SKIC8: variants seen among roughly 807,000 people sequenced by gnomAD.
SKIC8 encodes SKI8 subunit of superkiller complex.
At chr15:78,292,620 T>C in the SKIC8 span, 1 of 1,614,162 alleles carries the variant, frequency 6.2e-7, no homozygotes, top group Non-Finnish European at 8.5e-7. Context: ...TCTTACCAGG[T>C]CCTGCATCTA....
the SKIC8 span, among the ~76,000 whole-genome samples, chr15:78,287,827 C>T: frequency 1.8e-4 from 28 of 152,248 alleles, no homozygotes; most frequent in African/African-American, 6.0e-4. Context: ...AAACCAAAAA[C>T]GCTCCCATCT....
At chr15:78,294,300 C>T in the SKIC8 span, among the ~76,000 whole-genome samples, 1,820 of 152,294 alleles carry the variant, frequency 0.012, 26 homozygotes, top group Non-Finnish European at 0.015. Flanking sequence ...TCCACAAATT[C>T]CTTAGGCCTT....
chr15:78,294,760 G>T, the SKIC8 span: 2 of 549,010 alleles, frequency 3.6e-6, no homozygotes, highest in Non-Finnish European at 6.0e-6. Flanking sequence ...TTAGCTGGTT[G>T]TTCAGGTTTT....
chr15:78,283,311 C>T, the SKIC8 span: 4 of 712,254 alleles, frequency 5.6e-6, no homozygotes, highest in South Asian at 2.4e-5. Flanking sequence ...ATTGTATCTA[C>T]AAAATTTAAG....
At chr15:78,291,460 CA>C in the SKIC8 span, among the ~76,000 whole-genome samples, 12 of 152,154 alleles carry the variant, frequency 7.9e-5, no homozygotes, top group Non-Finnish European at 1.8e-4. Context: ...AGACAACCAT[CA>C]GGGGAGTCAG....
chr15:78,288,227 T>A, the SKIC8 span: 1 of 1,571,144 alleles, frequency 6.4e-7, no homozygotes, highest in Non-Finnish European at 8.7e-7. Flanking sequence ...TAGGGCTCCT[T>A]GTAACAATAA....
chr15:78,292,077 A>T, the SKIC8 span: 1 of 153,810 alleles, frequency 6.5e-6, no homozygotes, highest in Non-Finnish European at 1.4e-5. Context: ...GATGTTTCTT[A>T]AAAGTTTCAT....
At chr15:78,290,092 G>A in the SKIC8 span, 1 of 1,612,990 alleles carries the variant, frequency 6.2e-7, no homozygotes, top group Admixed American at 1.7e-5. Context: ...CCAAAGTCCA[G>A]GCATCCACTG....
At chr15:78,296,921 A>T in the SKIC8 span, among the ~76,000 whole-genome samples, 2 of 152,348 alleles carry the variant, frequency 1.3e-5, no homozygotes, top group African/African-American at 4.8e-5. Flanking sequence ...TATCCAACAC[A>T]GAACCACTGT....
the SKIC8 span, among the ~76,000 whole-genome samples, chr15:78,293,938 T>C: frequency 2.6e-5 from 4 of 152,342 alleles, no homozygotes; most frequent in East Asian, 7.7e-4. Context: ...GCCATGCTGT[T>C]GTATGTGCAG....
chr15:78,288,785 T>C, the SKIC8 span: 1 of 346,256 alleles, frequency 2.9e-6, no homozygotes, highest in African/African-American at 2.1e-5. Context: ...ATAAATTCAC[T>C]TGATTAGAAT....
the SKIC8 span, among the ~76,000 whole-genome samples, chr15:78,287,692 A>T: frequency 6.6e-6 from 1 of 152,208 alleles, no homozygotes; most frequent in Non-Finnish European, 1.5e-5. Flanking sequence ...TCAGTGGGGA[A>T]TAGGAGTCAG....
chr15:78,286,360 G>A, the SKIC8 span: 1 of 435,408 alleles, frequency 2.3e-6, no homozygotes, highest in Non-Finnish European at 4.1e-6. Flanking sequence ...ACCACCAAAA[G>A]CCAAGAATAA....
chr15:78,293,064 C>A, the SKIC8 span: 1 of 1,070,206 alleles, frequency 9.3e-7, no homozygotes, highest in Non-Finnish European at 1.4e-6. Flanking sequence ...CTATTGCTTT[C>A]TTGCCTAGAA....
chr15:78,288,251 G>C, the SKIC8 span: 2 of 1,600,190 alleles, frequency 1.2e-6, no homozygotes, highest in African/African-American at 1.3e-5. Context: ...GACAAGATGG[G>C]CATCAGTAGT....
the SKIC8 span, chr15:78,294,783 TG>T: frequency 1.3e-5 from 8 of 619,530 alleles, no homozygotes; most frequent in South Asian, 5.0e-5. Context: ...TTGTTGTTGT[TG>T]TTGTTGTCTG....
the SKIC8 span, among the ~76,000 whole-genome samples, chr15:78,298,460 C>T: frequency 2.6e-5 from 4 of 152,220 alleles, no homozygotes; most frequent in African/African-American, 9.6e-5. Flanking sequence ...AGAGGTCAAC[C>T]GTAGTCCAAA....
the SKIC8 span, among the ~76,000 whole-genome samples, chr15:78,298,785 C>A: frequency 4.6e-5 from 7 of 152,160 alleles, no homozygotes; most frequent in Non-Finnish European, 1.0e-4. Context: ...GGAACGTACA[C>A]CCCGCAGATA....
the SKIC8 span, chr15:78,289,821 T>C: frequency 3.3e-6 from 5 of 1,523,782 alleles, no homozygotes; most frequent in South Asian, 1.2e-5. Flanking sequence ...AACTGGCTAC[T>C]TGGCAAACCA....
Sources: allele counts gnomAD v4.1 joint callset (sites outside exome capture counted in the v4.1 genomes callset), GRCh38; gene constraint gnomAD v4.1.1; transcripts MANE v1.5; gene names NCBI Gene and HGNC (gene_info 2026-07-23, HGNC 2026-07-21).